The following ZBED4 variants were observed in gnomAD, a reference collection of about 807,000 sequenced individuals.
ZBED4 encodes zinc finger BED domain-containing protein 4.
Under a neutral mutation model 15.5 loss-of-function variants are expected in ZBED4, and 4 were observed. The observed-to-expected ratio is 0.26, with a 90% CI of 0.13 to 0.59. The LOEUF (loss-of-function observed/expected upper bound fraction) is 0.59, where lower values mean the gene tolerates loss of function less well. Among genes scored for constraint, ZBED4 ranks in the 20% least tolerant of loss-of-function variants. The pLI, the probability that ZBED4 is intolerant of heterozygous loss-of-function variation, is 0.90. For missense variants in ZBED4, 1,323 were observed against 1,461.8 expected (o/e 0.91, Z 1.55); for synonymous variants, 692 against 608.5 (o/e 1.14, Z -2.02).
intron 1 of ZBED4, among the ~76,000 whole-genome samples, chr22:49,864,676 C>T (rs1439844000): frequency 6.6e-6 from 1 of 151,866 alleles, no homozygotes; most frequent in African/African-American, 2.4e-5. Flanking sequence ...AAAATATTAG[C>T]CAGGTGTGGT....
intron 1 of ZBED4, among the ~76,000 whole-genome samples, chr22:49,866,739 T>C (rs185235700): frequency 1.0e-3 from 158 of 152,342 alleles, no homozygotes; most frequent in Non-Finnish European, 1.9e-3. Context: ...CAGAATTCTT[T>C]TCTGTTGCCT....
chr22:49,860,263 C>T (rs187436081), intron 1 of ZBED4, among the ~76,000 whole-genome samples: 1 of 152,336 alleles, frequency 6.6e-6, no homozygotes, highest in East Asian at 1.9e-4. Flanking sequence ...GACGTCACTG[C>T]ACTGCTGCCT....
Position 49,888,815 on chromosome 22 carries a change from T to G in ZBED4, c.*1637T>G, listed in dbSNP as rs2060453565. Reference sequence around the variant, plus strand: ...GAGTGCTGGTCAGGGACAGTGCCCGTGAGGCTGCAGAGGAGGTGGGGTCCA... The same window carrying G: ...GAGTGCTGGTCAGGGACAGTGCCCGGGAGGCTGCAGAGGAGGTGGGGTCCA... On this transcript the variant is annotated 3_prime_UTR_variant, in exon 2 of 2. Transcript: ENST00000216268. 6.0e-6 allele frequency: 1 copy of G among 167,254 alleles called. No individual in the cohort carries two copies. Among genetic ancestry groups the G allele is most frequent in the Non-Finnish European group, 1.5e-5 (1 of 68,182 alleles). The allele number at this position is 167,254 out of a possible 1,614,324, so 10.4% of individuals were successfully genotyped here.
chr22:49,868,654 G>A (rs2060332228), intron 1 of ZBED4, among the ~76,000 whole-genome samples: 2 of 152,196 alleles, frequency 1.3e-5, no homozygotes, highest in Admixed American at 6.5e-5. Context: ...CAAGTAAAAA[G>A]ATAAAAATTA....
At position 49,889,618 on chromosome 22, in the gene ZBED4, G is replaced by GGA. The variant is rs1381400760; in HGVS notation, c.*2444_*2445dup. 6.0e-6 allele frequency: 1 copy of GGA among 167,178 alleles called. No homozygotes were observed. The highest frequency in any genetic ancestry group is 6.5e-5 in the Admixed American group (1 of 15,280). 10.4% of individuals were successfully genotyped at this position (167,178 alleles called of 1,614,324 possible). On this transcript the variant is annotated 3_prime_UTR_variant, in exon 2 of 2. Transcript: ENST00000216268. ...ATATGGCCCTTCCTGAATGACACTAGGAGAGTCATTTTATCTCATACATTC... is the reference window on the plus strand; with the variant it reads ...ATATGGCCCTTCCTGAATGACACTAGGAGAGAGTCATTTTATCTCATACATTC...
chr22:49,884,532 C>A lies in ZBED4; in HGVS notation c.870C>A (p.Val290=). 6.2e-7 allele frequency: 1 copy of A among 1,614,084 alleles called. No homozygotes were observed. Residue 290 remains valine (V), a synonymous_variant, in exon 2 of 2, where the codon GTC becomes GTA. Transcript: ENST00000216268. ...CTGGGTCCAGGAGAAGGTCCGCTGT[C>A]TGGAAGCACTTCTACCTGTCGCCAC... is the stretch of plus-strand genomic sequence containing the variant. ...STSGSRRRSA[V]WKHFYLSPLD... is the part of the protein sequence containing the mutation.
At chr22:49,862,733 G>C (rs1308678179) in intron 1 of ZBED4, among the ~76,000 whole-genome samples, 2 of 100,728 alleles carry the variant, frequency 2.0e-5, no homozygotes, top group Non-Finnish European at 3.5e-5. Context: ...CTTAAGTCTT[G>C]CTCTGTCGCC....
chr22:49,857,160 A>G (rs1038341577), intron 1 of ZBED4, among the ~76,000 whole-genome samples: 1 of 152,152 alleles, frequency 6.6e-6, no homozygotes, highest in Admixed American at 6.5e-5. Context: ...TGCTGCAGGG[A>G]GCAGGGTCGG....
At chr22:49,863,038 C>T (rs4561759) in intron 1 of ZBED4, among the ~76,000 whole-genome samples, 113,285 of 152,040 alleles carry the variant, frequency 0.75, 44,783 homozygotes, top group East Asian at 0.9. Context: ...ACATTATCCA[C>T]CCCACCTCCC....
intron 1 of ZBED4, among the ~76,000 whole-genome samples, chr22:49,857,334 G>T (rs1333356225): frequency 6.6e-6 from 1 of 152,248 alleles, no homozygotes; most frequent in East Asian, 1.9e-4. Flanking sequence ...CGGCGAGGGT[G>T]CTGGTGTTAA....
rs2060457897 is a variant in ZBED4 at position 49,889,616 on chromosome 22, T to TAGGAGAGTC, written c.*2440_*2448dup. The TAGGAGAGTC allele has an allele frequency of 6.0e-6, 1 of 167,198 alleles. No individual in the cohort carries two copies. The highest frequency in any genetic ancestry group is 2.4e-5 in the African/African-American group (1 of 41,432). 10.4% of individuals were successfully genotyped at this position (167,198 alleles called of 1,614,324 possible). On this transcript the variant is annotated 3_prime_UTR_variant, in exon 2 of 2. Transcript: ENST00000216268. ...AAATATGGCCCTTCCTGAATGACACTAGGAGAGTCATTTTATCTCATACAT... is the reference window on the plus strand; with the variant it reads ...AAATATGGCCCTTCCTGAATGACACTAGGAGAGTCAGGAGAGTCATTTTATCTCATACAT...
intron 1 of ZBED4, among the ~76,000 whole-genome samples, chr22:49,870,041 T>A (rs1391074766): frequency 6.6e-6 from 1 of 152,234 alleles, no homozygotes; most frequent in Non-Finnish European, 1.5e-5. Flanking sequence ...GTGTACCACA[T>A]GCTTAGCTCC....
chr22:49,883,463 A>G lies in ZBED4; in HGVS notation c.-200A>G. 1.6e-6 allele frequency: 1 copy of G among 639,920 alleles called. No homozygotes were observed. The highest frequency in any genetic ancestry group is 2.4e-6 in the Non-Finnish European group (1 of 415,906). 39.6% of individuals were successfully genotyped at this position (639,920 alleles called of 1,614,324 possible). A position where few individuals can be genotyped will look rare whatever the true frequency, so the allele number is the denominator to read the frequency against. ...GTGTTTAGTAGCAGGACTCTTGGAAAGCAGTGATCTATGCTGTAAGACCAT... is the reference window on the plus strand; with the variant it reads ...GTGTTTAGTAGCAGGACTCTTGGAAGGCAGTGATCTATGCTGTAAGACCAT... On this transcript the variant is annotated 5_prime_UTR_variant, in exon 2 of 2. Transcript: ENST00000216268.
At chr22:49,857,585 T>C (rs2060279786) in intron 1 of ZBED4, among the ~76,000 whole-genome samples, 1 of 152,158 alleles carries the variant, frequency 6.6e-6, no homozygotes, top group African/African-American at 2.4e-5. Context: ...TAGCTTTGGG[T>C]TCCCCTTCTC....
Position 49,885,413 on chromosome 22 carries a change from G to A in ZBED4, c.1751G>A (p.Arg584Gln), listed in dbSNP as rs144547756. 4.0e-4 allele frequency: 648 copies of A among 1,606,702 alleles called. 2 individuals carry two copies. The highest frequency in any genetic ancestry group is 2.3e-3 in the Middle Eastern group (14 of 6,050). Reference protein sequence around the residue: ...STKVVCLHCGRTISRGKKPTN... With the variant: ...STKVVCLHCGQTISRGKKPTN... ...AAAGTCGTGTGCTTGCACTGTGGCC[G>A]GACCATCAGCCGGGGGAAGAAGCCG... The change falls in exon 2 of 2, where the codon CGG becomes CAG. Residue 584 changes from arginine (R) to glutamine (Q), a missense_variant. Arg to Gln is a conservative substitution (Grantham distance 43). Coordinates refer to ENST00000216268, the MANE Select transcript of ZBED4 (RefSeq NM_014838.3).
At chr22:49,864,913 G>A (rs1472004121) in intron 1 of ZBED4, among the ~76,000 whole-genome samples, 1 of 135,390 alleles carries the variant, frequency 7.4e-6, no homozygotes, top group East Asian at 2.3e-4. Flanking sequence ...CTCCTTGATT[G>A]ACCATGGGGT....
chr22:49,871,937 G>A (rs994496463), intron 1 of ZBED4, among the ~76,000 whole-genome samples: 15 of 151,938 alleles, frequency 9.9e-5, no homozygotes, highest in African/African-American at 3.6e-4. Context: ...GTAGAGACGA[G>A]GTTTCACCAT....
intron 1 of ZBED4, among the ~76,000 whole-genome samples, chr22:49,860,358 T>G (rs889473622): frequency 6.6e-6 from 1 of 152,210 alleles, no homozygotes; most frequent in African/African-American, 2.4e-5. Flanking sequence ...ATTTCTTTGA[T>G]TCTTAAATTA....
At chr22:49,873,564 G>C (rs577927163) in intron 1 of ZBED4, among the ~76,000 whole-genome samples, 1 of 152,224 alleles carries the variant, frequency 6.6e-6, no homozygotes, top group South Asian at 2.1e-4. Flanking sequence ...GTGACACACA[G>C]GTGGAGAGCC....
Sources: allele counts gnomAD v4.1 joint callset (sites outside exome capture counted in the v4.1 genomes callset), GRCh38; gene constraint gnomAD v4.1.1; transcripts MANE v1.5; gene names NCBI Gene and HGNC (gene_info 2026-07-23, HGNC 2026-07-21).